Variants in DLGAP1 observed in about 807,000 individuals in gnomAD.
The protein encoded by DLGAP1 is disks large-associated protein 1.
DLGAP1 carries 11 observed loss-of-function variants against 90.8 expected under a neutral mutation model. That is an observed-to-expected ratio of 0.12 (90% confidence interval 0.08 to 0.20). The LOEUF is 0.20. Ranked by LOEUF, DLGAP1 falls within the 10% of genes least tolerant of loss-of-function variation. DLGAP1 has a pLI of 1.00. For missense variants in DLGAP1, 1,050 were observed against 1,333.8 expected, an observed-to-expected ratio of 0.79 and a Z score of 3.31; for synonymous variants, 558 against 540.7, an observed-to-expected ratio of 1.03 and a Z score of -0.44.
chr18:3,708,917 T>C (rs2147202970), intron 7 of DLGAP1, among the ~76,000 whole-genome samples: 1 of 152,290 alleles, frequency 6.6e-6, no homozygotes, highest in East Asian at 1.9e-4. Flanking sequence ...TTCAGGGAAA[T>C]CTCTGTCTGC....
intron 2 of DLGAP1, among the ~76,000 whole-genome samples, chr18:4,069,017 T>G (rs577606536): frequency 1.5e-3 from 222 of 152,292 alleles, no homozygotes; most frequent in Non-Finnish European, 1.7e-3. Context: ...TTGAGTTACT[T>G]AGCCTTCTCA....
At chr18:3,650,441 T>C (rs557834263) in intron 7 of DLGAP1, among the ~76,000 whole-genome samples, 1 of 152,070 alleles carries the variant, frequency 6.6e-6, no homozygotes, top group African/African-American at 2.4e-5. Flanking sequence ...CTGGGCAACA[T>C]AGAGAGACCC....
chr18:4,349,015 G>A (rs183142896), intron 1 of DLGAP1, among the ~76,000 whole-genome samples: 1 of 152,210 alleles, frequency 6.6e-6, no homozygotes, highest in East Asian at 1.9e-4. Flanking sequence ...GAGAAAACAG[G>A]ACATTGGCAT....
chr18:4,193,490 G>A (rs994388148), intron 1 of DLGAP1, among the ~76,000 whole-genome samples: 3 of 151,934 alleles, frequency 2.0e-5, no homozygotes, highest in Non-Finnish European at 4.4e-5. Flanking sequence ...AGCTTTGGGG[G>A]AAAAAAACAG....
At chr18:3,837,364 T>A (rs1158230518) in intron 4 of DLGAP1, among the ~76,000 whole-genome samples, 1 of 152,220 alleles carries the variant, frequency 6.6e-6, no homozygotes, top group Non-Finnish European at 1.5e-5. Context: ...CCAGTTCTAT[T>A]TGTATATGGT....
At chr18:4,424,158 A>AT (rs1567910740) in intron 1 of DLGAP1, among the ~76,000 whole-genome samples, 5 of 152,088 alleles carry the variant, frequency 3.3e-5, no homozygotes, top group East Asian at 1.9e-4. Flanking sequence ...CTTAAAAAAA[A>AT]ATTTTTTTAA....
chr18:4,023,476 G>A (rs1049540514), intron 2 of DLGAP1, among the ~76,000 whole-genome samples: 10 of 152,050 alleles, frequency 6.6e-5, no homozygotes, highest in South Asian at 4.1e-4. Context: ...AAGTGTATTC[G>A]CATTCTTGTA....
chr18:3,866,927 T>C (rs1394910238), intron 4 of DLGAP1, among the ~76,000 whole-genome samples: 7 of 152,232 alleles, frequency 4.6e-5, no homozygotes, highest in Non-Finnish European at 1.5e-5. Context: ...CTTGGATCAC[T>C]GTAACCTCTG....
intron 7 of DLGAP1, among the ~76,000 whole-genome samples, chr18:3,616,149 G>A (rs1483573302): frequency 6.6e-6 from 1 of 152,216 alleles, no homozygotes; most frequent in Non-Finnish European, 1.5e-5. Flanking sequence ...TGCAGCTAAA[G>A]TTGACAGGCT....
chr18:4,451,845 T>C (rs549742098), intron 1 of DLGAP1, among the ~76,000 whole-genome samples: 11 of 152,176 alleles, frequency 7.2e-5, no homozygotes, highest in African/African-American at 2.4e-4. Flanking sequence ...AGTGTTTCTT[T>C]AAAATAAAAA....
intron 3 of DLGAP1, among the ~76,000 whole-genome samples, chr18:3,921,575 C>A (rs1255854664): frequency 6.6e-6 from 1 of 152,126 alleles, no homozygotes; most frequent in Non-Finnish European, 1.5e-5. Context: ...GAGACCATAG[C>A]TAGACAATCA....
intron 3 of DLGAP1, among the ~76,000 whole-genome samples, chr18:3,922,233 G>C (rs2072283541): frequency 6.6e-6 from 1 of 152,118 alleles, no homozygotes; most frequent in Admixed American, 6.5e-5. Context: ...CTTCGTTTTA[G>C]TTAAATAAAT....
At chr18:3,992,218 T>C (rs1275079556) in intron 3 of DLGAP1, among the ~76,000 whole-genome samples, 3 of 152,220 alleles carry the variant, frequency 2.0e-5, no homozygotes, top group Non-Finnish European at 4.4e-5. Flanking sequence ...AAAAGATTTC[T>C]TGTTTGGAAC....
Position 3,875,278 on chromosome 18 carries a change from G to A in DLGAP1, c.957+3834C>T, listed in dbSNP as rs77663162. On this transcript the variant is annotated intron_variant, in intron 4 of 12. Coordinates refer to ENST00000315677, the MANE Select transcript of DLGAP1 (RefSeq NM_004746.4). ...CATTTCCATTACTGAAGCATATTAC[G>A]GAGTTGGGTAGATTTGGGATCAAGT... 4.6e-3 allele frequency among the ~76,000 whole-genome samples: 701 copies of A among 152,230 alleles called. 8 individuals carry two copies. Among genetic ancestry groups the A allele is most frequent in the African/African-American group, 0.016 (647 of 41,528 alleles).
intron 4 of DLGAP1, among the ~76,000 whole-genome samples, chr18:3,873,300 G>T (rs2070866007): frequency 6.6e-6 from 1 of 152,126 alleles, no homozygotes; most frequent in Non-Finnish European, 1.5e-5. Flanking sequence ...ATCTTTTTAT[G>T]AATGAAGAGG....
At chr18:3,511,826 C>T (rs2050561308) in intron 10 of DLGAP1, among the ~76,000 whole-genome samples, 1 of 152,186 alleles carries the variant, frequency 6.6e-6, no homozygotes, top group South Asian at 2.1e-4. Context: ...TCCTTTTCAT[C>T]CCCAGAGGAA....
chr18:4,273,442 T>C (rs925125153), intron 1 of DLGAP1, among the ~76,000 whole-genome samples: 5 of 152,188 alleles, frequency 3.3e-5, no homozygotes, highest in African/African-American at 1.2e-4. Flanking sequence ...TTACAACCAT[T>C]CTGTGAATGT....
At chr18:3,515,085 C>T (rs1051659744) in intron 10 of DLGAP1, among the ~76,000 whole-genome samples, 1 of 152,166 alleles carries the variant, frequency 6.6e-6, no homozygotes, top group Non-Finnish European at 1.5e-5. Flanking sequence ...AAGTTTGCCA[C>T]ATCAATTGAC....
chr18:3,702,390 G>A (rs2147135131), intron 7 of DLGAP1, among the ~76,000 whole-genome samples: 1 of 152,348 alleles, frequency 6.6e-6, no homozygotes. Context: ...CTTCACAGGA[G>A]TAAACATGTT....
Sources: gnomAD v4.1 joint callset for allele counts (sites outside exome capture counted in the v4.1 genomes callset) on GRCh38, gnomAD v4.1.1 for gene constraint, MANE v1.5 for transcripts, NCBI Gene and HGNC (gene_info 2026-07-23, HGNC 2026-07-21) for gene names.